EBF1: variants seen among roughly 807,000 people sequenced by gnomAD.
EBF1 encodes the protein transcription factor COE1.
A neutral mutation model predicts 68.4 loss-of-function variants in EBF1; 10 were observed. That is an observed-to-expected ratio of 0.15 (90% confidence interval 0.09 to 0.25). The LOEUF is 0.25. EBF1 is among the 10% of genes least tolerant of loss of function. The pLI, the probability that EBF1 is intolerant of heterozygous loss-of-function variation, is 1.00. For missense variants in EBF1, 509 were observed against 794.4 expected (o/e 0.64, Z 4.32); for synonymous variants, 298 against 299.8 (o/e 0.99, Z 0.06).
At chr5:159,055,837 A>G (rs917662593) in intron 6 of EBF1, among the ~76,000 whole-genome samples, 6 of 152,192 alleles carry the variant, frequency 3.9e-5, no homozygotes. Context: ...GAGGACCACA[A>G]AGTGCTTCTG....
chr5:158,781,160 A>G (rs1727067432), intron 9 of EBF1, among the ~76,000 whole-genome samples: 1 of 152,178 alleles, frequency 6.6e-6, no homozygotes. Flanking sequence ...TTTGTGGTTT[A>G]TGTATTTCAG....
At chr5:159,058,716 G>C (rs1244007304) in intron 6 of EBF1, among the ~76,000 whole-genome samples, 1 of 152,196 alleles carries the variant, frequency 6.6e-6, no homozygotes, top group East Asian at 1.9e-4. Flanking sequence ...AGGATCTGTA[G>C]AGTTTGGGCT....
At chr5:158,949,015 A>G (rs1009861533) in intron 6 of EBF1, among the ~76,000 whole-genome samples, 13 of 152,326 alleles carry the variant, frequency 8.5e-5, no homozygotes, top group Admixed American at 7.8e-4. Flanking sequence ...TTGCAACAGG[A>G]GTAGGTCATG....
Position 158,698,641 on chromosome 5 carries a change from C to CTT in EBF1, c.*468_*469dup, listed in dbSNP as rs151060696. On this transcript the variant is annotated 3_prime_UTR_variant, in exon 16 of 16. Transcript: ENST00000313708. ...GCATTCCTATTCTGTCCCATACAAG[C>CTT]TTTTTTTTTTTTCCTTTTTTTCTTT... The CTT allele has an allele frequency of 5.9e-6, 1 of 170,746 alleles. No individual in the cohort carries two copies. Among genetic ancestry groups the CTT allele is most frequent in the African/African-American group, 2.6e-5 (1 of 38,810 alleles). 10.6% of individuals were successfully genotyped at this position (170,746 alleles called of 1,614,324 possible).
intron 10 of EBF1, among the ~76,000 whole-genome samples, chr5:158,737,638 G>C (rs1034564638): frequency 6.6e-6 from 1 of 152,056 alleles, no homozygotes; most frequent in Non-Finnish European, 1.5e-5. Context: ...CAACAACTTT[G>C]AGATTCAAAA....
chr5:158,966,764 C>T (rs1243769523), intron 6 of EBF1, among the ~76,000 whole-genome samples: 1 of 152,190 alleles, frequency 6.6e-6, no homozygotes, highest in Non-Finnish European at 1.5e-5. Context: ...AGCCACCTGG[C>T]TTGGTACTGA....
At chr5:159,021,970 G>C (rs1766771118) in intron 6 of EBF1, among the ~76,000 whole-genome samples, 1 of 149,618 alleles carries the variant, frequency 6.7e-6, no homozygotes, top group Non-Finnish European at 1.5e-5. Context: ...GTGAAACGCT[G>C]TGTTGGATAC....
At chr5:159,042,285 C>T (rs956859359) in intron 6 of EBF1, among the ~76,000 whole-genome samples, 13 of 152,068 alleles carry the variant, frequency 8.5e-5, no homozygotes, top group South Asian at 4.1e-4. Context: ...CAAACCTTGA[C>T]GGTCCTTTCA....
intron 6 of EBF1, among the ~76,000 whole-genome samples, chr5:159,069,273 A>G (rs760707912): frequency 2.0e-5 from 3 of 151,974 alleles, no homozygotes; most frequent in Non-Finnish European, 4.4e-5. Flanking sequence ...TGATGCTCAC[A>G]TTGTCACCCT....
intron 4 of EBF1, among the ~76,000 whole-genome samples, chr5:159,085,397 G>A (rs950586842): frequency 6.6e-6 from 1 of 152,170 alleles, no homozygotes; most frequent in East Asian, 1.9e-4. Context: ...AAACTAAGAA[G>A]AGTTACAACT....
At chr5:158,979,869 T>C (rs1469684931) in intron 6 of EBF1, among the ~76,000 whole-genome samples, 1 of 152,260 alleles carries the variant, frequency 6.6e-6, no homozygotes, top group East Asian at 1.9e-4. Flanking sequence ...ATTTGTACTT[T>C]AGGTTGGTGC....
chr5:158,709,146 T>C (rs1758575923), intron 14 of EBF1, among the ~76,000 whole-genome samples: 1 of 152,236 alleles, frequency 6.6e-6, no homozygotes, highest in South Asian at 2.1e-4. Context: ...TTTCATACAC[T>C]CGCTTTCTAT....
chr5:158,864,223 C>CAAAAAAAA (rs34498854), intron 6 of EBF1, among the ~76,000 whole-genome samples: 1 of 58,568 alleles, frequency 1.7e-5, no homozygotes, highest in African/African-American at 5.5e-5. Flanking sequence ...GACTCTGTCT[C>CAAAAAAAA]AAAAAAAAAA....
intron 6 of EBF1, chr5:158,983,691 T>A (rs973185590): frequency 6.6e-6 from 1 of 152,136 alleles, no homozygotes; most frequent in Non-Finnish European, 1.5e-5. Context: ...AAAGGGAATA[T>A]GAAGCAAGTG....
intron 8 of EBF1, among the ~76,000 whole-genome samples, chr5:158,802,834 A>C (rs1475232288): frequency 1.3e-5 from 2 of 152,182 alleles, no homozygotes; most frequent in Non-Finnish European, 2.9e-5. Flanking sequence ...TGCACCACAT[A>C]GTATGCTAGT....
intron 7 of EBF1, among the ~76,000 whole-genome samples, chr5:158,829,895 A>G (rs111672628): frequency 0.053 from 8,096 of 152,276 alleles, 298 homozygotes; most frequent in Non-Finnish European, 0.071. Flanking sequence ...ATACTGAAAT[A>G]TTCAGTTAAC....
chr5:159,019,229 A>G (rs1766198198), intron 6 of EBF1: 1 of 152,232 alleles, frequency 6.6e-6, no homozygotes, highest in South Asian at 2.1e-4. Context: ...TTAGTAAGCC[A>G]CCACATAATT....
intron 6 of EBF1, among the ~76,000 whole-genome samples, chr5:158,913,478 G>T (rs1469096460): frequency 6.6e-6 from 1 of 152,178 alleles, no homozygotes; most frequent in African/African-American, 2.4e-5. Context: ...TTGGTGGTCT[G>T]CTTTCTCGAT....
intron 6 of EBF1, among the ~76,000 whole-genome samples, chr5:158,873,657 G>A (rs1190731675): frequency 6.6e-6 from 1 of 152,170 alleles, no homozygotes; most frequent in Non-Finnish European, 1.5e-5. Flanking sequence ...GCTAGATACT[G>A]TTGCCTACCA....
Sources: allele counts gnomAD v4.1 joint callset (sites outside exome capture counted in the v4.1 genomes callset), GRCh38; gene constraint gnomAD v4.1.1; transcripts MANE v1.5; gene names NCBI Gene and HGNC (gene_info 2026-07-23, HGNC 2026-07-21).